The following LHFPL3 variants were observed in gnomAD, a reference collection of about 807,000 sequenced individuals.
LHFPL3 encodes LHFPL tetraspan subfamily member 3 protein.
LHFPL3 carries 5 observed loss-of-function variants against 19.3 expected under a neutral mutation model. The ratio of observed to expected loss-of-function variants is 0.26; its 90% CI spans 0.14 to 0.54. LHFPL3 has a LOEUF of 0.54. Ranked by LOEUF, LHFPL3 falls within the 20% of genes least tolerant of loss-of-function variation. The pLI is 0.94. For synonymous variants in LHFPL3, 133 were observed against 126.2 expected (o/e 1.05, Z -0.36); for missense variants, 249 against 307.4 (o/e 0.81, Z 1.42).
chr7:104,610,542 G>T (rs1791193830), intron 1 of LHFPL3, among the ~76,000 whole-genome samples: 1 of 152,096 alleles, frequency 6.6e-6, no homozygotes, highest in African/African-American at 2.4e-5. Context: ...GGGTCCACAG[G>T]CTTGAGAACC....
chr7:104,377,580 C>G (rs1790740137), intron 1 of LHFPL3, among the ~76,000 whole-genome samples: 1 of 152,116 alleles, frequency 6.6e-6, no homozygotes, highest in African/African-American at 2.4e-5. Context: ...GTACTTAAAA[C>G]CATCTAGAGC....
intron 1 of LHFPL3, among the ~76,000 whole-genome samples, chr7:104,686,619 C>A (rs1270838000): frequency 2.0e-5 from 3 of 152,190 alleles, no homozygotes; most frequent in Non-Finnish European, 2.9e-5. Context: ...GAGGTAGCAT[C>A]AGATCCCATA....
intron 1 of LHFPL3, among the ~76,000 whole-genome samples, chr7:104,527,020 G>A (rs959086091): frequency 1.3e-5 from 2 of 152,128 alleles, no homozygotes; most frequent in Non-Finnish European, 2.9e-5. Context: ...TTAAACAAAG[G>A]GTCAGGGAAG....
chr7:104,517,716 C>T (rs987406989), intron 1 of LHFPL3, among the ~76,000 whole-genome samples: 4 of 152,176 alleles, frequency 2.6e-5, no homozygotes, highest in Non-Finnish European at 5.9e-5. Context: ...CCATGTTGGC[C>T]AGGCTGGTCT....
intron 1 of LHFPL3, among the ~76,000 whole-genome samples, chr7:104,618,825 T>A (rs1193532886): frequency 2.0e-5 from 3 of 152,206 alleles, no homozygotes. Flanking sequence ...GGTCCCACAG[T>A]CCCTTAATGG....
intron 2 of LHFPL3, among the ~76,000 whole-genome samples, chr7:104,821,821 C>T (rs1790680871): frequency 6.6e-6 from 1 of 152,146 alleles, no homozygotes; most frequent in African/African-American, 2.4e-5. Flanking sequence ...CAAGTGAAAC[C>T]TCACTTAGTT....
intron 1 of LHFPL3, among the ~76,000 whole-genome samples, chr7:104,537,506 G>A (rs939864868): frequency 1.3e-5 from 2 of 152,012 alleles, no homozygotes; most frequent in Non-Finnish European, 2.9e-5. Flanking sequence ...ATGTTTCTAG[G>A]TGCATCACTC....
chr7:104,461,813 T>C (rs1792669919), intron 1 of LHFPL3, among the ~76,000 whole-genome samples: 1 of 152,226 alleles, frequency 6.6e-6, no homozygotes, highest in Admixed American at 6.5e-5. Context: ...TTAATAGGAA[T>C]AGCACTGAAT....
intron 1 of LHFPL3, among the ~76,000 whole-genome samples, chr7:104,550,796 A>G (rs566752544): frequency 1.3e-4 from 20 of 152,334 alleles, no homozygotes; most frequent in African/African-American, 4.1e-4. Flanking sequence ...CATCATTTTT[A>G]TGATTTTAAA....
At chr7:104,370,341 G>C (rs1011082227) in intron 1 of LHFPL3, among the ~76,000 whole-genome samples, 4 of 152,144 alleles carry the variant, frequency 2.6e-5, no homozygotes, top group African/African-American at 9.7e-5. Context: ...AGGTTGGGGA[G>C]ACTGATGGGA....
intron 2 of LHFPL3, among the ~76,000 whole-genome samples, chr7:104,880,812 A>G (rs752837771): frequency 6.6e-6 from 1 of 152,180 alleles, no homozygotes; most frequent in African/African-American, 2.4e-5. Context: ...AGTTAATCCA[A>G]TGTCCATTCT....
At chr7:104,555,997 T>C (rs1794756729) in intron 1 of LHFPL3, among the ~76,000 whole-genome samples, 1 of 152,226 alleles carries the variant, frequency 6.6e-6, no homozygotes, top group African/African-American at 2.4e-5. Context: ...TGACTCCATG[T>C]CTCACATCCA....
intron 1 of LHFPL3, among the ~76,000 whole-genome samples, chr7:104,335,001 C>T (rs1438988794): frequency 6.6e-6 from 1 of 152,136 alleles, no homozygotes; most frequent in East Asian, 1.9e-4. Context: ...CCACTTCTTA[C>T]TGGGCATCAG....
intron 1 of LHFPL3, among the ~76,000 whole-genome samples, chr7:104,360,618 T>C (rs776614554): frequency 1.1e-4 from 16 of 152,026 alleles, no homozygotes; most frequent in Admixed American, 3.3e-4. Flanking sequence ...ACACAGGCTT[T>C]GTAGTCATTA....
At position 104,891,985 on chromosome 7, in the gene LHFPL3, G is replaced by T. The variant is rs184571805; in HGVS notation, c.683-14202G>T. 6.5e-4 allele frequency among the ~76,000 whole-genome samples: 99 copies of T among 152,328 alleles called. 2 individuals carry two copies. In the East Asian group the frequency reaches 0.014, roughly 22 times the overall value. Reference sequence around the variant, plus strand: ...ACCAGGAATCTAAGAAAAAGAAATTGAAAGTTATTATTTTCTATTGTTATG... The same window carrying T: ...ACCAGGAATCTAAGAAAAAGAAATTTAAAGTTATTATTTTCTATTGTTATG... On this transcript the variant is annotated intron_variant, in intron 2 of 2. Coordinates refer to ENST00000424859, the MANE Select transcript of LHFPL3 (RefSeq NM_199000.3).
intron 2 of LHFPL3, among the ~76,000 whole-genome samples, chr7:104,780,133 C>T (rs936269810): frequency 3.3e-5 from 5 of 152,188 alleles, no homozygotes; most frequent in African/African-American, 1.2e-4. Context: ...GTTTTGTCTA[C>T]AGGCAGAGCT....
At chr7:104,744,792 G>C (rs773103054) in intron 2 of LHFPL3, among the ~76,000 whole-genome samples, 1 of 152,050 alleles carries the variant, frequency 6.6e-6, no homozygotes, top group Non-Finnish European at 1.5e-5. Context: ...GTTGGCTTCC[G>C]GTCACTGACC....
At chr7:104,850,926 C>T (rs1367689750) in intron 2 of LHFPL3, among the ~76,000 whole-genome samples, 4 of 152,164 alleles carry the variant, frequency 2.6e-5, no homozygotes, top group Non-Finnish European at 5.9e-5. Context: ...TCTGCAGTGG[C>T]GTGCATAAAT....
intron 1 of LHFPL3, among the ~76,000 whole-genome samples, chr7:104,734,172 T>A (rs1284678670): frequency 2.0e-5 from 3 of 152,216 alleles, no homozygotes; most frequent in Admixed American, 2.0e-4. Flanking sequence ...CATTTCAACT[T>A]TGGTGACTCT....
Sources: allele counts gnomAD v4.1 joint callset (sites outside exome capture counted in the v4.1 genomes callset), GRCh38; gene constraint gnomAD v4.1.1; transcripts MANE v1.5; gene names NCBI Gene and HGNC (gene_info 2026-07-23, HGNC 2026-07-21).